The following STX6 variants were observed in gnomAD, a reference collection of about 807,000 sequenced individuals.
STX6 encodes the protein syntaxin-6.
A neutral mutation model predicts 38.0 loss-of-function variants in STX6; 23 were observed. The ratio of observed to expected loss-of-function variants is 0.60; its 90% CI spans 0.43 to 0.86. STX6 has a LOEUF of 0.86. Ranked by LOEUF, STX6 falls within the 40% of genes least tolerant of loss-of-function variation. STX6 has a pLI of 0.00. For synonymous variants in STX6, 123 were observed against 107.5 expected, an observed-to-expected ratio of 1.14 and a Z score of -0.89; for missense variants, 274 against 312.9, an observed-to-expected ratio of 0.88 and a Z score of 0.94.
intron 2 of STX6, 77 bp downstream of exon 2, chr1:181,005,217 T>A: frequency 6.5e-7 from 1 of 1,543,742 alleles, no homozygotes; most frequent in Non-Finnish European, 8.7e-7. Flanking sequence ...TTCATCTACA[T>A]ACTGGAAACA....
chr1:181,017,271 T>C (rs188870230), intron 1 of STX6, among the ~76,000 whole-genome samples: 114 of 146,900 alleles, frequency 7.8e-4, no homozygotes, highest in African/African-American at 2.7e-3. Context: ...CGGGCACCTG[T>C]AGTCCCAGCT....
chr1:180,983,802 C>T (rs1367038210), intron 7 of STX6, among the ~76,000 whole-genome samples: 2 of 152,114 alleles, frequency 1.3e-5, no homozygotes, highest in Non-Finnish European at 2.9e-5. Flanking sequence ...CGGTGGCTCA[C>T]GCCTGTAATC....
chr1:181,021,406 A>G (rs944259402), intron 1 of STX6, among the ~76,000 whole-genome samples: 11 of 152,228 alleles, frequency 7.2e-5, no homozygotes, highest in Admixed American at 2.6e-4. Flanking sequence ...AAAACTTTCC[A>G]GGGAAATATT....
At chr1:181,002,766 T>C (rs1371023720) in intron 2 of STX6, 66 bp from the exon 3 acceptor site, 1 of 1,072,258 alleles carries the variant, frequency 9.3e-7, no homozygotes, top group Admixed American at 1.9e-5. Flanking sequence ...GTTAACTCAC[T>C]GAATCTCTCA....
At chr1:180,979,770 G>A (rs1655349140) in intron 7 of STX6, among the ~76,000 whole-genome samples, 1 of 152,194 alleles carries the variant, frequency 6.6e-6, no homozygotes, top group South Asian at 2.1e-4. Context: ...CCACAGATTG[G>A]GGTAGAATAT....
At chr1:181,020,992 C>T (rs1439676641) in intron 1 of STX6, among the ~76,000 whole-genome samples, 2 of 152,110 alleles carry the variant, frequency 1.3e-5, no homozygotes, top group Non-Finnish European at 2.9e-5. Flanking sequence ...CCTTCAAGAA[C>T]CTTAAAGATA....
At chr1:181,003,793 A>G (rs375151063) in intron 2 of STX6, among the ~76,000 whole-genome samples, 18 of 152,352 alleles carry the variant, frequency 1.2e-4, no homozygotes, top group Middle Eastern at 3.4e-3. Context: ...AAAAAAGGCT[A>G]TATAATGAAG....
intron 1 of STX6, 111 bp downstream of exon 1, chr1:181,022,528 C>G: frequency 1.8e-6 from 2 of 1,119,434 alleles, no homozygotes; most frequent in Non-Finnish European, 2.6e-6. Context: ...CACTGTTCCC[C>G]CTCCCCAGCT....
At chr1:181,008,730 T>TTA (rs1656304133) in intron 1 of STX6, among the ~76,000 whole-genome samples, 1 of 148,360 alleles carries the variant, frequency 6.7e-6, no homozygotes, top group Non-Finnish European at 1.5e-5. Flanking sequence ...CAAAATTGTT[T>TTA]TTTTTTTTTT....
intron 2 of STX6, among the ~76,000 whole-genome samples, chr1:181,004,762 G>C (rs1338152764): frequency 1.3e-5 from 2 of 152,076 alleles, no homozygotes; most frequent in African/African-American, 4.8e-5. Context: ...TATGGAGGGG[G>C]TCGTGGGAAC....
intron 1 of STX6, among the ~76,000 whole-genome samples, chr1:181,022,049 C>G (rs1656743047): frequency 6.6e-6 from 1 of 152,186 alleles, no homozygotes; most frequent in South Asian, 2.1e-4. Flanking sequence ...AAAACTCCCC[C>G]ATTGAATTGT....
In STX6 at chr1:180,983,881, G is replaced by A. The variant is rs555378153; in HGVS notation, c.691+796C>T. On this transcript the variant is annotated intron_variant, in intron 7 of 7. Transcript: ENST00000258301. ...AGATCGAGACCATCCTGGCTAACAC[G>A]GTGAAACTCCATCTCTACTAAAAAT... Among the ~76,000 whole-genome samples the A allele has an allele frequency of 6.0e-3, 911 of 151,790 alleles. 14 individuals carry two copies. Among genetic ancestry groups the A allele is most frequent in the African/African-American group, 0.021 (861 of 41,426 alleles).
chr1:181,006,211 C>T lies in STX6; in HGVS notation c.36-748G>A, dbSNP rs1384444960. Among the ~76,000 whole-genome samples, 7 of 151,768 alleles carry T rather than the reference C, an allele frequency of 4.6e-5. No homozygotes were observed. In the East Asian group the frequency reaches 5.8e-4, roughly 13 times the overall value. ...CCGAGTAGCTGGGATTACAGGTGCC[C>T]GCCACCACGCCTGGCTAATTTTTGT... On this transcript the variant is annotated intron_variant, in intron 1 of 7. Coordinates refer to ENST00000258301, the MANE Select transcript of STX6 (RefSeq NM_005819.6).
intron 1 of STX6, among the ~76,000 whole-genome samples, chr1:181,008,300 T>C (rs1656287746): frequency 6.6e-6 from 1 of 152,220 alleles, no homozygotes; most frequent in East Asian, 1.9e-4. Context: ...TTGTACAGGC[T>C]GAGATTCCGT....
intron 3 of STX6, among the ~76,000 whole-genome samples, chr1:180,994,010 G>A (rs181602706): frequency 9.2e-5 from 14 of 152,242 alleles, no homozygotes; most frequent in African/African-American, 3.4e-4. Flanking sequence ...ATTCATGAAA[G>A]GTATAGACTA....
chr1:181,014,261 G>C (rs1656492287), intron 1 of STX6, among the ~76,000 whole-genome samples: 1 of 152,080 alleles, frequency 6.6e-6, no homozygotes, highest in African/African-American at 2.4e-5. Flanking sequence ...GGGTGTGGTG[G>C]CATGCACCTG....
intron 1 of STX6, among the ~76,000 whole-genome samples, chr1:181,011,091 C>T (rs1314253506): frequency 6.6e-6 from 1 of 152,228 alleles, no homozygotes; most frequent in African/African-American, 2.4e-5. Flanking sequence ...CAGCACCCTA[C>T]AGGCCTGACC....
chr1:180,998,990 A>G (rs1219143223), intron 3 of STX6, among the ~76,000 whole-genome samples: 1 of 152,228 alleles, frequency 6.6e-6, no homozygotes, highest in East Asian at 1.9e-4. Flanking sequence ...ATGAGACATC[A>G]TAAACCCCAG....
chr1:180,989,827 AC>A (rs2102308931), intron 5 of STX6, among the ~76,000 whole-genome samples, 156 bp downstream of exon 5: 1 of 152,064 alleles, frequency 6.6e-6, no homozygotes, highest in Admixed American at 6.5e-5. Context: ...AGATTTTGAA[AC>A]CCTTTACATA....
Sources: allele counts gnomAD v4.1 joint callset (sites outside exome capture counted in the v4.1 genomes callset), GRCh38; gene constraint gnomAD v4.1.1; transcripts MANE v1.5; gene names NCBI Gene and HGNC (gene_info 2026-07-23, HGNC 2026-07-21).